Variants in PTPDC1 observed in about 807,000 individuals in gnomAD.
PTPDC1 encodes the protein protein tyrosine phosphatase domain-containing protein 1.
In PTPDC1, 53 loss-of-function variants were observed where a neutral mutation model predicts 75.3. That is an observed-to-expected ratio of 0.70 (90% CI 0.56 to 0.88). The LOEUF is 0.88. Ranked by LOEUF, PTPDC1 falls within the 40% of genes least tolerant of loss-of-function variation. The pLI is 0.00. For missense variants in PTPDC1, 925 were observed against 998.6 expected (o/e 0.93, Z 0.99); for synonymous variants, 349 against 366.2 (o/e 0.95, Z 0.54).
intron 1 of PTPDC1, among the ~76,000 whole-genome samples, chr9:94,038,503 G>T (rs1380197850): frequency 6.6e-6 from 1 of 152,142 alleles, no homozygotes; most frequent in East Asian, 1.9e-4. Context: ...CTGGCTTGTG[G>T]TTAAATGAAT....
At chr9:94,072,625 G>A (rs1826550410) in intron 2 of PTPDC1, among the ~76,000 whole-genome samples, 2 of 152,174 alleles carry the variant, frequency 1.3e-5, no homozygotes, top group South Asian at 2.1e-4. Flanking sequence ...TAGGGAGAAG[G>A]CATTCAGTCT....
intron 5 of PTPDC1, 44 bp downstream of exon 5, chr9:94,095,498 C>T (rs777194960): frequency 3.9e-5 from 58 of 1,484,928 alleles, no homozygotes; most frequent in Non-Finnish European, 2.9e-5. Flanking sequence ...CATATTTAAA[C>T]ATAAAAGGAA....
intron 3 of PTPDC1, 101 bp downstream of exon 3, chr9:94,088,012 G>A (rs1827139008): frequency 2.1e-6 from 3 of 1,428,820 alleles, no homozygotes; most frequent in South Asian, 1.2e-5. Flanking sequence ...TTAACAATAG[G>A]CAGTGAAGAG....
In PTPDC1 at chr9:94,054,795, C is replaced by G. The variant is rs116427704; in HGVS notation, c.-6-9939C>G. ...AAAACACAAACCAACAGGAAATCCCCAAATGGGCCAGTTTTCTAGGAAAAA... is the reference window on the plus strand; with the variant it reads ...AAAACACAAACCAACAGGAAATCCCGAAATGGGCCAGTTTTCTAGGAAAAA... On this transcript the variant is annotated intron_variant, in intron 1 of 9. Coordinates refer to the PTPDC1 transcript ENST00000375360. Among the ~76,000 whole-genome samples the G allele has an allele frequency of 2.7e-3, 406 of 152,302 alleles. 2 individuals carry two copies. The highest frequency in any genetic ancestry group is 9.1e-3 in the African/African-American group (380 of 41,588).
chr9:94,099,605 C>T (rs754158429), intron 6 of PTPDC1, among the ~76,000 whole-genome samples: 2 of 152,196 alleles, frequency 1.3e-5, no homozygotes, highest in African/African-American at 4.8e-5. Flanking sequence ...TGTGTTTCGC[C>T]TATCCAATAG....
intron 4 of PTPDC1, among the ~76,000 whole-genome samples, chr9:94,092,085 C>T (rs1827346376): frequency 1.3e-5 from 2 of 151,390 alleles, no homozygotes; most frequent in African/African-American, 4.9e-5. Flanking sequence ...CTGTTTCCTT[C>T]AGTTCTGCTC....
At chr9:94,083,471 A>G (rs1055658776), upstream of PTPDC1, among the ~76,000 whole-genome samples, 14 of 151,610 alleles carry the variant, frequency 9.2e-5, no homozygotes, top group Non-Finnish European at 1.6e-4. Context: ...AAAAAAAAAT[A>G]GAAAATAGCC....
chr9:94,031,049 G>C (rs1323517792), exon 1 of PTPDC1: 2 of 152,206 alleles, frequency 1.3e-5, no homozygotes, highest in Admixed American at 6.5e-5. Flanking sequence ...TCCGCCGACC[G>C]CAGACGACTT....
At chr9:94,101,844 A>G (rs1827854653) in intron 7 of PTPDC1, 93 bp downstream of exon 7, 1 of 702,518 alleles carries the variant, frequency 1.4e-6, no homozygotes, top group Non-Finnish European at 2.3e-6. Flanking sequence ...AAGAGAATTC[A>G]CACAGAATCC....
rs1827692439 is a variant in PTPDC1 at position 94,098,276 on chromosome 9, C to CA, written c.1710_1711insA (p.Pro571ThrfsTer12). 1 of 1,614,220 alleles carries CA rather than the reference C, an allele frequency of 6.2e-7. No homozygotes were observed. The highest frequency in any genetic ancestry group is 2.2e-5 in the East Asian group (1 of 44,880). Reference sequence around the variant, plus strand: ...TTGCAAATGTCCATAAGGATCCAAACCCTGCTCACCAGCAAGTGTCTCACT... The same window carrying CA: ...TTGCAAATGTCCATAAGGATCCAAACACCTGCTCACCAGCAAGTGTCTCACT... On this transcript the variant is annotated frameshift_variant, in exon 6 of 9. Coordinates refer to ENST00000620992, the MANE Select transcript of PTPDC1 (RefSeq NM_001253829.2). LOFTEE classifies it high-confidence loss of function.
At chr9:94,099,431 T>C (rs1247790079) in intron 6 of PTPDC1, among the ~76,000 whole-genome samples, 2 of 152,182 alleles carry the variant, frequency 1.3e-5, no homozygotes, top group Non-Finnish European at 2.9e-5. Flanking sequence ...TTTTAATAGC[T>C]CGCTTTCATA....
At chr9:94,038,120 C>T in intron 1 of PTPDC1, 2 of 574,266 alleles carry the variant, frequency 3.5e-6, no homozygotes, top group South Asian at 1.6e-5. Context: ...TAAGACTGAG[C>T]ATAATCTCCA....
chr9:94,075,319 C>T (rs72757580), intron 2 of PTPDC1, among the ~76,000 whole-genome samples: 266 of 152,234 alleles, frequency 1.7e-3, no homozygotes, highest in Non-Finnish European at 3.0e-3. Flanking sequence ...TTTATCTCTC[C>T]GACACCACCT....
intron 1 of PTPDC1, among the ~76,000 whole-genome samples, chr9:94,046,420 A>G (rs1028987516): frequency 2.0e-5 from 3 of 152,128 alleles, no homozygotes; most frequent in East Asian, 1.9e-4. Flanking sequence ...CATTGAATCT[A>G]TAAATTACCT....
At chr9:94,045,450 A>C (rs1221388566) in intron 1 of PTPDC1, among the ~76,000 whole-genome samples, 1 of 152,212 alleles carries the variant, frequency 6.6e-6, no homozygotes, top group East Asian at 1.9e-4. Flanking sequence ...ACTAGTTTAC[A>C]GTCCCACCAA....
intron 2 of PTPDC1, among the ~76,000 whole-genome samples, chr9:94,076,354 A>G (rs574056932): frequency 6.6e-6 from 1 of 152,148 alleles, no homozygotes; most frequent in South Asian, 2.1e-4. Flanking sequence ...TTCCCTCCCC[A>G]CTGGCCCAAG....
intron 1 of PTPDC1, among the ~76,000 whole-genome samples, chr9:94,044,086 G>C (rs1227954190): frequency 2.0e-5 from 3 of 152,130 alleles, no homozygotes; most frequent in African/African-American, 7.2e-5. Context: ...ATCAGGTAAT[G>C]TAAATCCTGC....
chr9:94,082,045 G>C (rs951451546), upstream of PTPDC1, among the ~76,000 whole-genome samples: 2 of 152,230 alleles, frequency 1.3e-5, no homozygotes, highest in African/African-American at 4.8e-5. Context: ...AAGAGGCTGA[G>C]GCAGGAGGAG....
intron 1 of PTPDC1, among the ~76,000 whole-genome samples, chr9:94,062,862 A>G (rs750929832): frequency 1.9e-4 from 29 of 152,188 alleles, no homozygotes; most frequent in Non-Finnish European, 1.2e-4. Flanking sequence ...GAGATAAATA[A>G]GACGTGAATA....
Sources: allele counts gnomAD v4.1 joint callset (sites outside exome capture counted in the v4.1 genomes callset), GRCh38; gene constraint gnomAD v4.1.1; transcripts MANE v1.5; gene names NCBI Gene and HGNC (gene_info 2026-07-23, HGNC 2026-07-21).